TRAF3IP2: variants seen among roughly 807,000 people sequenced by gnomAD.
TRAF3IP2 encodes the protein E3 ubiquitin ligase TRAF3IP2.
A neutral mutation model predicts 57.9 loss-of-function variants in TRAF3IP2; 35 were observed. The observed-to-expected ratio is 0.60, with a 90% CI of 0.46 to 0.80. The LOEUF (loss-of-function observed/expected upper bound fraction) is 0.80, where lower values mean the gene tolerates loss of function less well. Among genes scored for constraint, TRAF3IP2 ranks in the 30% least tolerant of loss-of-function variants. TRAF3IP2 has a pLI of 0.00. For synonymous variants in TRAF3IP2, 251 were observed against 268.9 expected (o/e 0.93, Z 0.65); for missense variants, 556 against 706.4 (o/e 0.79, Z 2.41).
chr6:111,569,779 A>T (rs1795772653), intron 5 of TRAF3IP2, among the ~76,000 whole-genome samples: 1 of 152,148 alleles, frequency 6.6e-6, no homozygotes, highest in Admixed American at 6.5e-5. Flanking sequence ...TAAATAAAAA[A>T]TAGTGATTAT....
At chr6:111,568,466 T>A (rs370400727) in intron 5 of TRAF3IP2, among the ~76,000 whole-genome samples, 1 of 23,792 alleles carries the variant, frequency 4.2e-5, no homozygotes, top group African/African-American at 2.6e-4. Context: ...TGTGTGTGTG[T>A]GTGTGTGTGT....
intron 2 of TRAF3IP2, among the ~76,000 whole-genome samples, chr6:111,584,489 G>A (rs1248813990): frequency 6.6e-6 from 1 of 152,026 alleles, no homozygotes; most frequent in African/African-American, 2.4e-5. Context: ...GCTTTGTCTG[G>A]AATTTGACTG....
At chr6:111,597,877 C>A in intron 1 of TRAF3IP2, 1 of 455,984 alleles carries the variant, frequency 2.2e-6, no homozygotes, top group South Asian at 1.5e-5. Context: ...CTGGCATGAC[C>A]TTTGCTCCAG....
At chr6:111,589,023 A>G (rs558704113) in intron 2 of TRAF3IP2, among the ~76,000 whole-genome samples, 53 of 150,642 alleles carry the variant, frequency 3.5e-4, no homozygotes, top group African/African-American at 1.2e-3. Context: ...TTCTGGGCAT[A>G]TTTTAATTTT....
Position 111,559,207 on chromosome 6 carries a change from G to A in TRAF3IP2, c.*198C>T, listed in dbSNP as rs1227680795. 1 of 610,550 alleles carries A rather than the reference G, an allele frequency of 1.6e-6. No homozygotes were observed. The highest frequency in any genetic ancestry group is 2.7e-6 in the Non-Finnish European group (1 of 367,332). The allele number at this position is 610,550 out of a possible 1,614,324, so 37.8% of individuals were successfully genotyped here. The stretch of plus-strand genomic sequence containing the variant: ...AAGCAGAGAATGCAGAGCAGTCACA[G>A]ACTCCACTTCAAAGCCAGGGTGTGT... On this transcript the variant is annotated 3_prime_UTR_variant, in exon 9 of 9. Transcript: ENST00000368761.
In TRAF3IP2 at chr6:111,591,772, AG is replaced by A; in HGVS notation, c.314del (p.Ala105ValfsTer91). On this transcript the variant is annotated frameshift_variant, in exon 2 of 9. Transcript: ENST00000368761. LOFTEE classifies it high-confidence loss of function. This position sits in a 1 kb window ranked among gnomAD's most constrained non-coding sequence, Gnocchi z 4.9. ...TGACTGCAGAGCACCCAGAAGGGAA[AG>A]CTTTGCCCAGGCCTGGGTGTCTCCT... Reference protein sequence around the residue: ...FCRRHPGLGKAFPSGCSAVSE... With the variant: ...FCRRHPGLGKXFPSGCSAVSE... 6.2e-7 allele frequency: 1 copy of A among 1,614,236 alleles called. No homozygotes were observed. Among genetic ancestry groups the A allele is most frequent in the Non-Finnish European group, 8.5e-7 (1 of 1,180,042 alleles).
At chr6:111,569,764 TTAAA>T (rs1380721098) in intron 5 of TRAF3IP2, among the ~76,000 whole-genome samples, 1 of 152,024 alleles carries the variant, frequency 6.6e-6, no homozygotes, top group Non-Finnish European at 1.5e-5. Flanking sequence ...TCAAAAAAAA[TTAAA>T]TAAATAAAAA....
rs1319031192 is a variant in TRAF3IP2 at position 111,597,950 on chromosome 6, G to A, written c.-8-5856C>T. The A allele has an allele frequency of 6.6e-6, 3 of 454,844 alleles. No individual in the cohort carries two copies. The East Asian group carries it at 2.1e-4, about 32-fold the overall frequency. The allele number at this position is 454,844 out of a possible 1,614,324, so 28.2% of individuals were successfully genotyped here. ...AGCCCTGTTTTCCAGCCATGACCCA[G>A]GGAGCAAGCACTGACTCCTCAGGGG... On this transcript the variant is annotated intron_variant, in intron 1 of 8. Transcript: ENST00000368761.
intron 2 of TRAF3IP2, among the ~76,000 whole-genome samples, chr6:111,589,184 C>A (rs530029025): frequency 1.3e-5 from 2 of 150,922 alleles, no homozygotes; most frequent in Non-Finnish European, 2.9e-5. Flanking sequence ...CCTCAGTCTC[C>A]CGAGTAGCTG....
chr6:111,601,124 G>A (rs1327500287), intron 1 of TRAF3IP2: 2 of 713,910 alleles, frequency 2.8e-6, no homozygotes, highest in Non-Finnish European at 5.3e-6. Flanking sequence ...CTATTGGGAG[G>A]GAAGAAAGGG....
chr6:111,567,873 A>G (rs1481574665), intron 5 of TRAF3IP2, among the ~76,000 whole-genome samples, 181 bp from the exon 6 acceptor site: 1 of 152,250 alleles, frequency 6.6e-6, no homozygotes, highest in Non-Finnish European at 1.5e-5. Flanking sequence ...CCCTATTTCA[A>G]CATTAGTAGG....
chr6:111,568,577 G>T (rs1314214823), intron 5 of TRAF3IP2, among the ~76,000 whole-genome samples: 1 of 151,988 alleles, frequency 6.6e-6, no homozygotes, highest in African/African-American at 2.4e-5. Context: ...TGTCCCTGGG[G>T]AGGGGTTACG....
chr6:111,559,616 C>T, intron 8 of TRAF3IP2, 65 bp from the exon 9 acceptor site: 1 of 1,566,898 alleles, frequency 6.4e-7, no homozygotes, highest in Non-Finnish European at 8.7e-7. Context: ...AGATCCCAGG[C>T]TCAGTTCCCA....
intron 2 of TRAF3IP2, among the ~76,000 whole-genome samples, chr6:111,587,334 C>T (rs1796371751): frequency 6.6e-6 from 1 of 152,172 alleles, no homozygotes; most frequent in South Asian, 2.1e-4. Flanking sequence ...CAGCTCACTG[C>T]AACCTCCACC....
rs780138058 is a variant in TRAF3IP2 at position 111,562,988 on chromosome 6, CA to C, written c.1527del (p.Val510CysfsTer35). On this transcript the variant is annotated frameshift_variant, in exon 8 of 9. Coordinates refer to ENST00000368761, the MANE Select transcript of TRAF3IP2 (RefSeq NM_147686.4). LOFTEE classifies it high-confidence loss of function. Reference sequence around the variant, plus strand: ...ACCTTCTTAGCATTTGGGAAGAGCACAGGGATGAATCTGAAATTCATGCTTC... The same window carrying C: ...ACCTTCTTAGCATTTGGGAAGAGCACGGGATGAATCTGAAATTCATGCTTC... The part of the protein sequence containing the change: ...KQGSMNFRFI[P>X]VLFPNAKKEH... The C allele has an allele frequency of 6.2e-7, 1 of 1,612,778 alleles. No individual in the cohort carries two copies. The highest frequency in any genetic ancestry group is 2.2e-5 in the East Asian group (1 of 44,882).
At chr6:111,600,941 A>AT in intron 1 of TRAF3IP2, 1 of 363,064 alleles carries the variant, frequency 2.8e-6, no homozygotes, top group Non-Finnish European at 5.1e-6. Context: ...CCTAAGTACT[A>AT]TTGTCAGACT....
intron 2 of TRAF3IP2, among the ~76,000 whole-genome samples, chr6:111,582,143 C>T (rs942836692): frequency 1.3e-5 from 2 of 152,232 alleles, no homozygotes; most frequent in African/African-American, 2.4e-5. Flanking sequence ...TGCCTAGACT[C>T]AGGAAACTGT....
intron 2 of TRAF3IP2, among the ~76,000 whole-genome samples, chr6:111,586,741 A>T (rs959455386): frequency 6.6e-5 from 10 of 152,214 alleles, no homozygotes; most frequent in African/African-American, 2.4e-4. Context: ...AGCTCTTTTG[A>T]AGTGGTTTTG....
intron 8 of TRAF3IP2, among the ~76,000 whole-genome samples, chr6:111,561,027 C>T (rs1379465519): frequency 6.6e-6 from 1 of 152,020 alleles, no homozygotes; most frequent in Non-Finnish European, 1.5e-5. Context: ...ACTAAACATA[C>T]AAAAATTAGC....
Sources: allele counts gnomAD v4.1 joint callset (sites outside exome capture counted in the v4.1 genomes callset), GRCh38; gene constraint gnomAD v4.1.1; non-coding constraint Gnocchi (gnomAD v3.1); transcripts MANE v1.5; gene names NCBI Gene and HGNC (gene_info 2026-07-23, HGNC 2026-07-21).